The following IHO1 variants were observed in gnomAD, a reference collection of about 807,000 sequenced individuals.
IHO1 encodes the protein interactor of HORMAD1 protein 1.
Under a neutral mutation model 31.0 loss-of-function variants are expected in IHO1, and 13 were observed. The ratio of observed to expected loss-of-function variants is 0.42; its 90% confidence interval spans 0.27 to 0.67. The LOEUF is 0.67. IHO1 is among the 30% of genes least tolerant of loss of function. IHO1 has a pLI of 0.24. For synonymous variants in IHO1, 221 were observed against 248.4 expected, an observed-to-expected ratio of 0.89 and a Z score of 1.04; for missense variants, 599 against 687.5, an observed-to-expected ratio of 0.87 and a Z score of 1.44.
intron 2 of IHO1, among the ~76,000 whole-genome samples, chr3:49,235,929 C>CAAA (rs35209519): frequency 7.0e-5 from 8 of 114,198 alleles, no homozygotes; most frequent in East Asian, 2.5e-4. Flanking sequence ...GACTCTGTCT[C>CAAA]AAAAAAAAAA....
intron 4 of IHO1, 54 bp downstream of exon 4, chr3:49,241,443 G>A: frequency 6.8e-7 from 1 of 1,481,234 alleles, no homozygotes; most frequent in Non-Finnish European, 9.2e-7. Context: ...AGTAAAACAA[G>A]ACATAGAGTG....
chr3:49,191,958 GTTC>G, the IHO1 span: 13 of 627,170 alleles, frequency 2.1e-5, no homozygotes, highest in Non-Finnish European at 3.4e-5. Context: ...TGCTGCCCTA[GTTC>G]TTCTCTGTGA....
intron 3 of IHO1, 151 bp from the exon 4 acceptor site, chr3:49,241,075 T>C (rs541917268): frequency 2.1e-6 from 1 of 474,468 alleles, no homozygotes; most frequent in Non-Finnish European, 3.6e-6. Context: ...AATTTTCTGG[T>C]GTATACAAAG....
intron 1 of IHO1, among the ~76,000 whole-genome samples, chr3:49,200,854 T>C (rs561671040): frequency 8.5e-5 from 13 of 152,174 alleles, no homozygotes; most frequent in Non-Finnish European, 1.5e-4. Flanking sequence ...AGAGATGGGA[T>C]TTCCATCCTC....
At chr3:49,240,875 G>A (rs1201479515) in intron 3 of IHO1, among the ~76,000 whole-genome samples, 1 of 152,132 alleles carries the variant, frequency 6.6e-6, no homozygotes, top group Non-Finnish European at 1.5e-5. Flanking sequence ...CTGAGCAACA[G>A]CAATTTGAGT....
At chr3:49,202,997 G>A (rs1284293640) in intron 1 of IHO1, among the ~76,000 whole-genome samples, 1 of 151,950 alleles carries the variant, frequency 6.6e-6, no homozygotes, top group Non-Finnish European at 1.5e-5. Context: ...CGAGTAGCTG[G>A]GACTACAGGC....
intron 2 of IHO1, among the ~76,000 whole-genome samples, chr3:49,236,029 T>A (rs562333769): frequency 6.7e-5 from 10 of 149,658 alleles, no homozygotes; most frequent in African/African-American, 2.5e-4. Context: ...TCACCTGAGG[T>A]CAGGAGTTCA....
intron 2 of IHO1, among the ~76,000 whole-genome samples, chr3:49,214,644 T>A (rs2046266627): frequency 2.8e-5 from 1 of 35,106 alleles, no homozygotes; most frequent in Non-Finnish European, 6.3e-5. Flanking sequence ...TTTTTTTTTT[T>A]TTTTTTTTTT....
rs370979495 is a variant in IHO1 at position 49,236,728 on chromosome 3, T to C, written c.231+6T>C. On this transcript the variant is annotated splice_donor_region_variant and intron_variant, in intron 3 of 7. Coordinates refer to ENST00000452691, the MANE Select transcript of IHO1 (RefSeq NM_001135197.2). ...CACAACAGAACTATCTGGAGGTGAG[T>C]CTGGTTTCCAGAATTGATCTGCACA... 1 of 1,607,142 alleles carries C rather than the reference T, an allele frequency of 6.2e-7. No individual in the cohort carries two copies. The highest frequency in any genetic ancestry group is 8.5e-7 in the Non-Finnish European group (1 of 1,177,352).
intron 2 of IHO1, among the ~76,000 whole-genome samples, chr3:49,219,684 G>A (rs902934842): frequency 3.0e-4 from 46 of 152,220 alleles, no homozygotes; most frequent in African/African-American, 1.0e-3. Context: ...AACCCTGGCC[G>A]AAGGGTCACC....
At position 49,256,417 on chromosome 3, in the gene IHO1, A is replaced by T. The variant is rs972211862; in HGVS notation, c.920A>T (p.Asn307Ile). Residue 307 changes from asparagine to isoleucine, a missense_variant, in exon 8 of 8, where the codon AAT becomes ATT. Transcript: ENST00000452691. The surrounding 1 kb of genome is among the most constrained non-coding windows in gnomAD (Gnocchi z 4.6). ...GCCCAGGCCCTCCCTGCTGCATGGA[A>T]TCCTGGTATGGGCTCCCTACAGCCT... ...WQAQALPAAW[N>I]PGMGSLQPGE... 7 of 1,614,150 alleles carry T rather than the reference A, an allele frequency of 4.3e-6. No homozygotes were observed. The highest frequency in any genetic ancestry group is 5.9e-6 in the Non-Finnish European group (7 of 1,180,034).
chr3:49,239,918 C>T (rs2046609427), intron 3 of IHO1, among the ~76,000 whole-genome samples: 1 of 152,188 alleles, frequency 6.6e-6, no homozygotes, highest in Non-Finnish European at 1.5e-5. Flanking sequence ...ACTTCGGCCT[C>T]CCAAAGTGCT....
Position 49,257,672 on chromosome 3 carries a change from G to C in IHO1, c.*390G>C, listed in dbSNP as rs764143166. ...CAGCATGACTCCAAACAACATTTTT[G>C]GGTCTTTAAAATATTCCCTACACAT... On this transcript the variant is annotated 3_prime_UTR_variant, in exon 8 of 8. Coordinates refer to ENST00000452691, the MANE Select transcript of IHO1 (RefSeq NM_001135197.2). 2.3e-4 allele frequency: 41 copies of C among 177,384 alleles called. No homozygotes were observed. The highest frequency in any genetic ancestry group is 4.4e-4 in the Admixed American group (8 of 18,008). 11.0% of individuals were successfully genotyped at this position (177,384 alleles called of 1,614,324 possible). A position where few individuals can be genotyped will look rare whatever the true frequency, so the allele number is the denominator to read the frequency against.
intron 2 of IHO1, among the ~76,000 whole-genome samples, chr3:49,221,575 T>A (rs2046356316): frequency 6.6e-6 from 1 of 152,198 alleles, no homozygotes; most frequent in African/African-American, 2.4e-5. Flanking sequence ...CTATAGCTAC[T>A]TCCTGCTGGT....
intron 1 of IHO1, among the ~76,000 whole-genome samples, chr3:49,205,954 C>A (rs1262456728): frequency 6.8e-6 from 1 of 147,800 alleles, no homozygotes; most frequent in African/African-American, 2.5e-5. Flanking sequence ...ATTTTTTTTT[C>A]TTTTCTTTCT....
intron 1 of IHO1, among the ~76,000 whole-genome samples, chr3:49,211,102 T>A (rs2046207159): frequency 6.6e-6 from 1 of 151,012 alleles, no homozygotes; most frequent in African/African-American, 2.4e-5. Context: ...CCACCTCTTG[T>A]GTTCATGCCA....
rs574869071 is a variant in IHO1 at position 49,206,937 on chromosome 3, A to G, written c.-15-4829A>G. Among the ~76,000 whole-genome samples, 6 of 151,132 alleles carry G rather than the reference A, an allele frequency of 4.0e-5. No homozygotes were observed. The Admixed American group carries it at 4.0e-4, about 10-fold the overall frequency. The stretch of plus-strand genomic sequence containing the variant: ...GTGGCAGATGCCTGTAATCCCAACT[A>G]CTTGGGAGGCTGAGGCAGGAGAATT... On this transcript the variant is annotated intron_variant, in intron 1 of 7. Coordinates refer to ENST00000452691, the MANE Select transcript of IHO1 (RefSeq NM_001135197.2).
At chr3:49,246,649 CAAATA>C (rs2046698607) in intron 6 of IHO1, among the ~76,000 whole-genome samples, 1 of 151,566 alleles carries the variant, frequency 6.6e-6, no homozygotes, top group Non-Finnish European at 1.5e-5. Context: ...CTCCCTGTAT[CAAATA>C]ATAATAATAA....
intron 2 of IHO1, among the ~76,000 whole-genome samples, chr3:49,216,517 G>A (rs1392654046): frequency 6.6e-6 from 1 of 152,068 alleles, no homozygotes; most frequent in African/African-American, 2.4e-5. Context: ...TTGCTTAAAT[G>A]TAAGGCCTAA....
Sources: gnomAD v4.1 joint callset for allele counts (sites outside exome capture counted in the v4.1 genomes callset) on GRCh38, gnomAD v4.1.1 for gene constraint, Gnocchi (gnomAD v3.1) non-coding constraint, MANE v1.5 for transcripts, NCBI Gene and HGNC (gene_info 2026-07-23, HGNC 2026-07-21) for gene names.